PGM2L1: variants seen among roughly 807,000 people sequenced by gnomAD.
PGM2L1 encodes the protein phosphoglucomutase 2 like 1.
PGM2L1 carries 35 observed loss-of-function variants against 73.4 expected under a neutral mutation model. The ratio of observed to expected loss-of-function variants is 0.48; its 90% CI spans 0.36 to 0.63. PGM2L1 has a LOEUF of 0.63. Among genes scored for constraint, PGM2L1 ranks in the 30% least tolerant of loss-of-function variants. The pLI is 0.00. For missense variants in PGM2L1, 570 were observed against 742.0 expected, an observed-to-expected ratio of 0.77 and a Z score of 2.69; for synonymous variants, 225 against 253.8, an observed-to-expected ratio of 0.89 and a Z score of 1.08.
chr11:74,336,497 G>T lies in PGM2L1; in HGVS notation c.*155C>A. On this transcript the variant is annotated 3_prime_UTR_variant, in exon 14 of 14. Transcript: ENST00000298198. ...TCATTTCAAACTTATACTTTGTTTA[G>T]TCTAGCCAGTTGACCAAAAAGAAAG... is the stretch of plus-strand genomic sequence containing the variant. 1 of 439,582 alleles carries T rather than the reference G, an allele frequency of 2.3e-6. No individual in the cohort carries two copies. The highest frequency in any genetic ancestry group is 4.0e-6 in the Non-Finnish European group (1 of 250,096). 27.2% of individuals were successfully genotyped at this position (439,582 alleles called of 1,614,324 possible).
At chr11:74,352,033 T>A (rs553797876) in intron 5 of PGM2L1, among the ~76,000 whole-genome samples, 6 of 151,388 alleles carry the variant, frequency 4.0e-5, no homozygotes, top group African/African-American at 1.2e-4. Context: ...AATGTCAACA[T>A]AGGAGGACTA....
chr11:74,362,397 T>C (rs1862578296), intron 5 of PGM2L1, among the ~76,000 whole-genome samples: 2 of 152,118 alleles, frequency 1.3e-5, no homozygotes, highest in South Asian at 4.1e-4. Flanking sequence ...AAGGAAGCAC[T>C]AAACATGGAA....
intron 1 of PGM2L1, among the ~76,000 whole-genome samples, chr11:74,379,141 C>A (rs1280643391): frequency 1.3e-5 from 2 of 152,136 alleles, no homozygotes; most frequent in African/African-American, 4.8e-5. Flanking sequence ...AAGCACAGCA[C>A]CAGCATCTGC....
At chr11:74,357,886 GA>G (rs1428163087) in intron 5 of PGM2L1, among the ~76,000 whole-genome samples, 6 of 152,174 alleles carry the variant, frequency 3.9e-5, no homozygotes, top group Non-Finnish European at 7.3e-5. Context: ...AAAAGACATG[GA>G]GGGAATTACT....
chr11:74,395,819 T>G (rs903384224), intron 1 of PGM2L1, among the ~76,000 whole-genome samples: 1 of 152,060 alleles, frequency 6.6e-6, no homozygotes, highest in Non-Finnish European at 1.5e-5. Context: ...ACAAACCATT[T>G]AATTGCCACC....
At chr11:74,359,807 A>T (rs1437092691) in intron 5 of PGM2L1, among the ~76,000 whole-genome samples, 1 of 152,214 alleles carries the variant, frequency 6.6e-6, no homozygotes, top group African/African-American at 2.4e-5. Flanking sequence ...TTTGCTTCTG[A>T]GAAACTGTAC....
At position 74,337,176 on chromosome 11, in the gene PGM2L1, C is replaced by T. The variant is rs188883937; in HGVS notation, c.1767-422G>A. Among the ~76,000 whole-genome samples the T allele has an allele frequency of 2.2e-4, 33 of 152,278 alleles. 1 individual carries two copies. The highest frequency in any genetic ancestry group is 4.1e-4 in the Non-Finnish European group (28 of 68,022). ...GCAGAAGGAGGTGTGACTAAAATAACGTGATGTTTAAAAAAATAAATGTGC... is the reference window on the plus strand; with the variant it reads ...GCAGAAGGAGGTGTGACTAAAATAATGTGATGTTTAAAAAAATAAATGTGC... On this transcript the variant is annotated intron_variant, in intron 13 of 13. Coordinates refer to ENST00000298198, the MANE Select transcript of PGM2L1 (RefSeq NM_173582.6).
At chr11:74,375,314 A>G (rs1862839696) in intron 1 of PGM2L1, among the ~76,000 whole-genome samples, 1 of 152,214 alleles carries the variant, frequency 6.6e-6, no homozygotes. Flanking sequence ...CGTGTACTTT[A>G]ACTTATTTTC....
chr11:74,372,935 T>C (rs1170513309), intron 2 of PGM2L1, among the ~76,000 whole-genome samples: 1 of 152,170 alleles, frequency 6.6e-6, no homozygotes, highest in Admixed American at 6.5e-5. Context: ...TAAAACCTCA[T>C]AGACCCTCAT....
At chr11:74,370,677 A>G (rs1164978831) in intron 4 of PGM2L1, among the ~76,000 whole-genome samples, 1 of 152,242 alleles carries the variant, frequency 6.6e-6, no homozygotes, top group African/African-American at 2.4e-5. Context: ...AACATATTTC[A>G]CTATAACTGT....
At chr11:74,355,862 A>C (rs1223113276) in intron 5 of PGM2L1, 1 of 422,808 alleles carries the variant, frequency 2.4e-6, no homozygotes, top group African/African-American at 2.1e-5. Flanking sequence ...TATTTTAGAC[A>C]AATACTCATG....
rs2134929406 is a variant in PGM2L1 at position 74,371,005 on chromosome 11, A to C, written c.387-19T>G. 1 of 1,600,124 alleles carries C rather than the reference A, an allele frequency of 6.2e-7. No homozygotes were observed. The highest frequency in any genetic ancestry group is 8.6e-7 in the Non-Finnish European group (1 of 1,168,270). On this transcript the variant is annotated intron_variant, in intron 3 of 13. Transcript: ENST00000298198. ...AGCAAGCCTAAAAAAAGAGAGATTT[A>C]ACTTAGTCCTTTGCCTACCATACTT...
In PGM2L1 at chr11:74,385,659, C is replaced by T. The variant is rs901268759; in HGVS notation, c.112-11077G>A. Among the ~76,000 whole-genome samples the T allele has an allele frequency of 5.3e-5, 8 of 151,936 alleles. No homozygotes were observed. The East Asian group carries it at 5.8e-4, about 11-fold the overall frequency. ...TTCCATAGTTTTATGCTTAATTTAA[C>T]GTATACTCAGACAAAAGATTCATGG... On this transcript the variant is annotated intron_variant, in intron 1 of 13. Coordinates refer to ENST00000298198, the MANE Select transcript of PGM2L1 (RefSeq NM_173582.6).
chr11:74,398,364 C>T lies in PGM2L1; in HGVS notation c.-203G>A, dbSNP rs1478511412. On this transcript the variant is annotated 5_prime_UTR_variant, in exon 1 of 14. Transcript: ENST00000298198. ...GGGTTTATGGCCGCCTGCTCCCCAG[C>T]GGACCAGGTCCGGGTCTCTGGGCGA... 4.3e-5 allele frequency: 31 copies of T among 728,454 alleles called. No homozygotes were observed. Among genetic ancestry groups the T allele is most frequent in the Admixed American group, 2.6e-4 (7 of 27,054 alleles). 45.1% of individuals were successfully genotyped at this position (728,454 alleles called of 1,614,324 possible).
In PGM2L1 at chr11:74,333,583, T is replaced by C. The variant is rs1862046076; in HGVS notation, c.*3069A>G. The stretch of plus-strand genomic sequence containing the variant: ...AACTGAATCCGTAAAAGGGATACTT[T>C]TTCTCACCTCCTAAACCTTGGCCTC... On this transcript the variant is annotated 3_prime_UTR_variant, in exon 14 of 14. Transcript: ENST00000298198. 2 of 152,230 alleles carry C rather than the reference T, an allele frequency of 1.3e-5. No individual in the cohort carries two copies. Among genetic ancestry groups the C allele is most frequent in the African/African-American group, 4.8e-5 (2 of 41,460 alleles). The allele number at this position is 152,230 out of a possible 1,614,324, so 9.4% of individuals were successfully genotyped here.
Position 74,398,104 on chromosome 11 carries a change from T to A in PGM2L1, c.58A>T (p.Thr20Ser). 6.2e-7 allele frequency: 1 copy of A among 1,612,566 alleles called. No homozygotes were observed. The highest frequency in any genetic ancestry group is 8.5e-7 in the Non-Finnish European group (1 of 1,179,172). The change falls in exon 1 of 14, where the codon ACC becomes TCC. Residue 20 changes from threonine to serine, a missense_variant. Thr to Ser is a moderately conservative substitution (Grantham distance 58, BLOSUM62 1). Coordinates refer to ENST00000298198, the MANE Select transcript of PGM2L1 (RefSeq NM_173582.6). ...GCCGTGTCCAGCTGAGGGTCCCCGG[T>A]GTGGTAGGGGGCGTGGAGCAGGTTG... ...NSNLLHAPYHTGDPQLDTAIG... is the reference protein window; with the variant it reads ...NSNLLHAPYHSGDPQLDTAIG...
At chr11:74,395,199 C>T (rs1179732575) in intron 1 of PGM2L1, among the ~76,000 whole-genome samples, 1 of 152,042 alleles carries the variant, frequency 6.6e-6, no homozygotes, top group African/African-American at 2.4e-5. Context: ...GTTAAGGATA[C>T]TTATTACTTG....
intron 5 of PGM2L1, among the ~76,000 whole-genome samples, chr11:74,352,540 C>G: frequency 6.6e-6 from 1 of 152,128 alleles, no homozygotes; most frequent in South Asian, 2.1e-4. Flanking sequence ...TAGAGAATAT[C>G]TATGGTGACT....
At chr11:74,350,659 CAG>C (rs753961708) in intron 6 of PGM2L1, among the ~76,000 whole-genome samples, 85 of 151,918 alleles carry the variant, frequency 5.6e-4, no homozygotes, top group Non-Finnish European at 9.4e-4. Context: ...GGCGGATCAC[CAG>C]AGGTCAGGAG....
Sources: allele counts gnomAD v4.1 joint callset (sites outside exome capture counted in the v4.1 genomes callset), GRCh38; gene constraint gnomAD v4.1.1; transcripts MANE v1.5; gene names NCBI Gene and HGNC (gene_info 2026-07-23, HGNC 2026-07-21).